Variants in RYR2 observed in about 807,000 individuals in gnomAD.
RYR2 encodes ryanodine receptor 2.
Under a neutral mutation model 601.1 loss-of-function variants are expected in RYR2, and 227 were observed. The ratio of observed to expected loss-of-function variants is 0.38; its 90% confidence interval spans 0.34 to 0.42. RYR2 has a LOEUF of 0.42. Ranked by LOEUF, RYR2 falls within the 10% of genes least tolerant of loss-of-function variation. RYR2 has a pLI of 1.00. For synonymous variants in RYR2, 2,223 were observed against 2,175.1 expected (o/e 1.02, Z -0.61); for missense variants, 4,646 against 6,156.5 (o/e 0.75, Z 8.21).
At chr1:237,166,313 A>G (rs1676708472) in intron 1 of RYR2, among the ~76,000 whole-genome samples, 1 of 152,208 alleles carries the variant, frequency 6.6e-6, no homozygotes, top group Non-Finnish European at 1.5e-5. Context: ...CCAGCAATAA[A>G]ACAGATACTT....
At chr1:237,745,912 A>AC (rs1553308879) in intron 80 of RYR2, among the ~76,000 whole-genome samples, 9 of 145,616 alleles carry the variant, frequency 6.2e-5, no homozygotes, top group Non-Finnish European at 1.4e-4. Flanking sequence ...TCCTAATGAG[A>AC]TTTTTTTTTT....
chr1:237,669,333 C>G (rs1306660082), intron 58 of RYR2, among the ~76,000 whole-genome samples: 1 of 152,178 alleles, frequency 6.6e-6, no homozygotes, highest in African/African-American at 2.4e-5. Flanking sequence ...ACCTTTCCCC[C>G]CTCTCTATTC....
At chr1:237,818,473 G>A (rs1235103380) in intron 100 of RYR2, among the ~76,000 whole-genome samples, 1 of 151,982 alleles carries the variant, frequency 6.6e-6, no homozygotes, top group Non-Finnish European at 1.5e-5. Flanking sequence ...TGACGTTTTA[G>A]GGTTTAAACA....
At chr1:237,301,901 G>A (rs1057179440) in intron 2 of RYR2, among the ~76,000 whole-genome samples, 9 of 152,236 alleles carry the variant, frequency 5.9e-5, no homozygotes, top group East Asian at 1.9e-4. Context: ...GTTAAAGTGC[G>A]TGTGATAAAA....
At chr1:237,487,190 A>G (rs937072507) in intron 17 of RYR2, among the ~76,000 whole-genome samples, 1 of 152,170 alleles carries the variant, frequency 6.6e-6, no homozygotes, top group African/African-American at 2.4e-5. Context: ...TTAGTGGTCA[A>G]ATGATTGTAA....
chr1:237,584,240 C>T (rs1235145773), intron 29 of RYR2, among the ~76,000 whole-genome samples: 1 of 152,154 alleles, frequency 6.6e-6, no homozygotes, highest in African/African-American at 2.4e-5. Context: ...GTTCTGCCTA[C>T]TTCATGCTAA....
intron 12 of RYR2, among the ~76,000 whole-genome samples, chr1:237,430,873 A>T (rs1037091271): frequency 6.6e-6 from 1 of 152,170 alleles, no homozygotes; most frequent in Non-Finnish European, 1.5e-5. Flanking sequence ...AATAGGGCTC[A>T]TATTTGAGGA....
At chr1:237,254,276 G>T (rs955539415) in intron 1 of RYR2, among the ~76,000 whole-genome samples, 34 of 152,086 alleles carry the variant, frequency 2.2e-4, no homozygotes, top group African/African-American at 7.5e-4. Flanking sequence ...CTTGCTGAAG[G>T]TCATTGTGTT....
intron 23 of RYR2, 77 bp downstream of exon 23, chr1:237,506,891 G>A (rs747049177): frequency 1.2e-4 from 136 of 1,161,852 alleles, no homozygotes; most frequent in Middle Eastern, 7.7e-4. Flanking sequence ...GCCTTTTCCC[G>A]CTATGGGGTG....
chr1:237,160,791 A>G (rs1021978457), intron 1 of RYR2, among the ~76,000 whole-genome samples: 12 of 152,156 alleles, frequency 7.9e-5, no homozygotes, highest in African/African-American at 2.7e-4. Flanking sequence ...CTAAGAAACT[A>G]AGAGTTGATT....
intron 29 of RYR2, among the ~76,000 whole-genome samples, chr1:237,578,723 G>T (rs1673548737): frequency 1.3e-5 from 1 of 76,248 alleles, no homozygotes; most frequent in Admixed American, 1.1e-4. Flanking sequence ...AAGGTGGTGG[G>T]AGTGGGGGCA....
At chr1:237,488,494 C>T (rs1333058739) in intron 17 of RYR2, among the ~76,000 whole-genome samples, 1 of 152,156 alleles carries the variant, frequency 6.6e-6, no homozygotes. Context: ...AATCACCTCC[C>T]CAAGGGGAAC....
chr1:237,220,052 C>T (rs1275105353), intron 1 of RYR2, among the ~76,000 whole-genome samples: 3 of 152,186 alleles, frequency 2.0e-5, no homozygotes, highest in Non-Finnish European at 4.4e-5. Context: ...TGAACAGCTA[C>T]TCTGATGGCC....
In RYR2 at chr1:237,686,522, A is replaced by G. The variant is rs190518428; in HGVS notation, c.9018-933A>G. ...GAAACTCATTCTGAGCTGAGTTTTG[A>G]GGGACGAGTAGATGGGAGGATAGCA... On this transcript the variant is annotated intron_variant, in intron 62 of 104. Transcript: ENST00000366574. Among the ~76,000 whole-genome samples, 5 of 152,196 alleles carry G rather than the reference A, an allele frequency of 3.3e-5. No individual in the cohort carries two copies. In the East Asian group the frequency reaches 7.7e-4, roughly 24 times the overall value.
chr1:237,253,017 G>T (rs138141093), intron 1 of RYR2, among the ~76,000 whole-genome samples: 53,923 of 151,556 alleles, frequency 0.36, 11,100 homozygotes, highest in Admixed American at 0.45. Context: ...ATACAAAAAT[G>T]AGCCGGGCGT....
At chr1:237,656,366 T>C (rs1558153935) in intron 53 of RYR2, among the ~76,000 whole-genome samples, 1 of 152,188 alleles carries the variant, frequency 6.6e-6, no homozygotes, top group African/African-American at 2.4e-5. Context: ...CAAAGCTGTT[T>C]CTGCGAGTAG....
At chr1:237,068,859 T>TA (rs1663966742) in intron 1 of RYR2, among the ~76,000 whole-genome samples, 3 of 152,136 alleles carry the variant, frequency 2.0e-5, no homozygotes, top group Non-Finnish European at 2.9e-5. Flanking sequence ...TAACTGACAT[T>TA]TTTCTTCCAA....
chr1:237,429,597 G>C (rs1706582356), intron 12 of RYR2, among the ~76,000 whole-genome samples: 1 of 152,142 alleles, frequency 6.6e-6, no homozygotes. Context: ...AAGCTGAATA[G>C]AGTCCATCTT....
chr1:237,812,887 T>C (rs1661397614), intron 100 of RYR2, among the ~76,000 whole-genome samples: 1 of 96,532 alleles, frequency 1.0e-5, no homozygotes, highest in Non-Finnish European at 2.0e-5. Flanking sequence ...CAGAGAAAAA[T>C]GTATAAGTTT....
Sources: allele counts gnomAD v4.1 joint callset (sites outside exome capture counted in the v4.1 genomes callset), GRCh38; gene constraint gnomAD v4.1.1; transcripts MANE v1.5; gene names NCBI Gene and HGNC (gene_info 2026-07-23, HGNC 2026-07-21).